Variants in SCRIB observed in about 807,000 individuals in gnomAD.
SCRIB encodes protein scribble homolog.
Under a neutral mutation model 170.0 loss-of-function variants are expected in SCRIB, and 72 were observed. The ratio of observed to expected loss-of-function variants is 0.42; its 90% confidence interval spans 0.35 to 0.52. The LOEUF (loss-of-function observed/expected upper bound fraction) is 0.52, where lower values mean the gene tolerates loss of function less well. Among genes scored for constraint, SCRIB ranks in the 20% least tolerant of loss-of-function variants. The probability of loss-of-function intolerance (pLI) is 0.02; values close to 1 mark genes in which losing one functional copy is unlikely to be tolerated. For missense variants in SCRIB, 2,475 were observed against 2,338.5 expected (o/e 1.06, Z -1.20); for synonymous variants, 1,298 against 1,044.3 (o/e 1.24, Z -4.68).
At chr8:143,811,410 C>A in intron 9 of SCRIB, 65 bp from the exon 10 acceptor site, 1 of 1,472,254 alleles carries the variant, frequency 6.8e-7, no homozygotes, top group African/African-American at 1.4e-5. Flanking sequence ...AGATGACAGC[C>A]CCTGGCAGGA....
chr8:143,792,308 G>A lies in SCRIB; in HGVS notation c.4426C>T (p.Pro1476Ser), dbSNP rs1554632996. The A allele has an allele frequency of 6.4e-7, 1 of 1,556,668 alleles. No homozygotes were observed. The highest frequency in any genetic ancestry group is 8.6e-7 in the Non-Finnish European group (1 of 1,158,580). Residue 1476 changes from proline to serine, a missense_variant, in exon 32 of 37, where the codon CCG becomes TCG. This residue lies in a region of SCRIB where 1,966 missense variants were observed against 1,742.9 expected (regional missense o/e 1.13). Coordinates refer to ENST00000356994, the MANE Select transcript of SCRIB (RefSeq NM_182706.5). ...RHQERLRVQS[P>S]EPPAPERALS... ...GCACGCTCGGGTGCCGGTGGCTCCG[G>A]ACTCTGCACGCGCAGCCGCTCCTGG...
chr8:143,807,763 A>T (rs1815494716), intron 15 of SCRIB, 149 bp from the exon 16 acceptor site: 5 of 699,058 alleles, frequency 7.2e-6, no homozygotes, highest in Non-Finnish European at 1.0e-5. Context: ...TCCATCCTGG[A>T]GGCGTGAGTG....
In SCRIB at chr8:143,792,699, G is replaced by C; in HGVS notation, c.4177+9C>G. ...GACCCAACCCCCACCCCACTTCCGT[G>C]CCCCTCACCTTCCTCCTCCTGCATC... is the stretch of plus-strand genomic sequence containing the variant. On this transcript the variant is annotated intron_variant, in intron 30 of 36. Transcript: ENST00000356994. 1 of 1,587,284 alleles carries C rather than the reference G, an allele frequency of 6.3e-7. No individual in the cohort carries two copies.
At position 143,815,669 on chromosome 8, in the gene SCRIB, G is replaced by A; in HGVS notation, c.-297C>T. The A allele has an allele frequency of 4.1e-6, 4 of 983,152 alleles. No homozygotes were observed. The highest frequency in any genetic ancestry group is 9.4e-5 in the South Asian group (2 of 21,266). 60.9% of individuals were successfully genotyped at this position (983,152 alleles called of 1,614,324 possible). On this transcript the variant is annotated 5_prime_UTR_variant, in exon 1 of 37. Coordinates refer to ENST00000356994, the MANE Select transcript of SCRIB (RefSeq NM_182706.5). ...CGCTTGGTCCTGCTCAGCTCGTCCCGCCCGCTCGTCCGCCCGCTGTGCCGC... is the reference window on the plus strand; with the variant it reads ...CGCTTGGTCCTGCTCAGCTCGTCCCACCCGCTCGTCCGCCCGCTGTGCCGC...
intron 18 of SCRIB, among the ~76,000 whole-genome samples, 176 bp from the exon 19 acceptor site, chr8:143,805,611 G>A (rs1203533448): frequency 1.3e-5 from 2 of 152,232 alleles, no homozygotes; most frequent in East Asian, 3.9e-4. Flanking sequence ...CGTGGGCACC[G>A]ACCCCTCCCC....
intron 16 of SCRIB, 70 bp downstream of exon 16, chr8:143,807,482 G>A: frequency 8.0e-7 from 1 of 1,244,740 alleles, no homozygotes; most frequent in Non-Finnish European, 1.2e-6. Context: ...GCGGGGAGAG[G>A]CGTGAGCCCA....
Position 143,812,340 on chromosome 8 carries a change from G to A in SCRIB, c.832C>T (p.Leu278=). The change falls in exon 9 of 37, where the codon CTG becomes TTG. Residue 278 remains leucine (L), a synonymous_variant. Coordinates refer to ENST00000356994, the MANE Select transcript of SCRIB (RefSeq NM_182706.5). ...CCGATGGCCTCGGTCACCTCGCACA[G>A]CCGATTCTGGTCTACCTTTAGGATG... ...LSILKVDQNR[L]CEVTEAIGDC... is the part of the protein sequence containing the mutation. The A allele has an allele frequency of 1.2e-6, 2 of 1,613,818 alleles. No homozygotes were observed. Among genetic ancestry groups the A allele is most frequent in the Non-Finnish European group, 1.7e-6 (2 of 1,179,802 alleles).
chr8:143,815,120 G>A (rs1816011499), intron 1 of SCRIB, 94 bp downstream of exon 1: 1 of 1,355,876 alleles, frequency 7.4e-7, no homozygotes, highest in Non-Finnish European at 9.6e-7. Flanking sequence ...GGGCCGGCTG[G>A]AGGCTGCGGT....
intron 1 of SCRIB, among the ~76,000 whole-genome samples, chr8:143,814,571 G>A (rs890822004): frequency 8.5e-5 from 13 of 152,196 alleles, no homozygotes; most frequent in African/African-American, 3.1e-4. Context: ...TACGCGCGAG[G>A]CCTGCAGGTG....
In SCRIB at chr8:143,793,034, G is replaced by A. The variant is rs1336185058; in HGVS notation, c.3959C>T (p.Ala1320Val). ...PDELPANVKQ[A>V]YRAFAAVPTS... Reference sequence around the variant, plus strand: ...GGGCACGGCCGCGAAGGCCCTGTAGGCCTGCTTCACATTGGCGGGCAGCTC... The same window carrying A: ...GGGCACGGCCGCGAAGGCCCTGTAGACCTGCTTCACATTGGCGGGCAGCTC... Residue 1320 changes from alanine (A) to valine (V), a missense_variant, in exon 29 of 37, where the codon GCC (alanine) becomes GTC (valine). Physicochemically the swap from Ala to Val is moderately conservative, Grantham distance 64. Transcript: ENST00000356994. The A allele has an allele frequency of 1.3e-6, 2 of 1,510,840 alleles. No individual in the cohort carries two copies. The highest frequency in any genetic ancestry group is 2.5e-5 in the East Asian group (1 of 39,954). 93.6% of individuals were successfully genotyped at this position (1,510,840 alleles called of 1,614,324 possible). A position where few individuals can be genotyped will look rare whatever the true frequency, so the allele number is the denominator to read the frequency against.
intron 21 of SCRIB, 25 bp from the exon 22 acceptor site, chr8:143,804,181 A>T: frequency 6.5e-7 from 1 of 1,545,894 alleles, no homozygotes; most frequent in Non-Finnish European, 8.9e-7. Flanking sequence ...CGGGACAAGG[A>T]CAGGCCTCGG....
rs201849634 is a variant in SCRIB, at chr8:143,804,026, G to A, written c.3120+20C>T. On this transcript the variant is annotated intron_variant, in intron 22 of 36. Coordinates refer to ENST00000356994, the MANE Select transcript of SCRIB (RefSeq NM_182706.5). ...GGATGGGTGCACCTCTCACAGAACC[G>A]CCTGGATGGGCCGCCCTACCTTGGA... The A allele has an allele frequency of 3.1e-4, 486 of 1,592,240 alleles. No individual in the cohort carries two copies. The highest frequency in any genetic ancestry group is 1.4e-3 in the Admixed American group (81 of 58,086).
In SCRIB at chr8:143,803,544, C is replaced by A. The variant is rs138813890; in HGVS notation, c.3442G>T (p.Asp1148Tyr). Residue 1148 changes from aspartate (D) to tyrosine (Y), a missense_variant, in exon 24 of 37, where the codon GAC (aspartate) becomes TAC (tyrosine). Asp to Tyr is a radical substitution (Grantham distance 160, BLOSUM62 -3). Coordinates refer to ENST00000356994, the MANE Select transcript of SCRIB (RefSeq NM_182706.5). ...KVSPTGAAGR[D>Y]GRLRVGLRLL... ...CGCAAACCCACACGCAGCCGACCGT[C>A]GCGCCCGGCTGCCCCCGTGGGGCTC... 6.2e-7 allele frequency: 1 copy of A among 1,601,954 alleles called. No individual in the cohort carries two copies.
At chr8:143,810,845 C>G (rs776979507) in intron 11 of SCRIB, 29 bp from the exon 12 acceptor site, 4 of 1,605,064 alleles carry the variant, frequency 2.5e-6, no homozygotes, top group Non-Finnish European at 3.4e-6. Context: ...AGGACCCAGG[C>G]TAGTCCCCAA....
chr8:143,807,757 T>C, intron 15 of SCRIB, 143 bp from the exon 16 acceptor site: 1 of 710,970 alleles, frequency 1.4e-6, no homozygotes, highest in Non-Finnish European at 2.6e-6. Context: ...GGCGCCTCCA[T>C]CCTGGAGGCG....
At chr8:143,806,556 C>G in intron 17 of SCRIB, 72 bp from the exon 18 acceptor site, 1 of 1,306,884 alleles carries the variant, frequency 7.7e-7, no homozygotes, top group Non-Finnish European at 1.1e-6. Context: ...TGCAGAAGAC[C>G]CAGGAGGGGA....
chr8:143,809,786 C>T (rs980547732), intron 13 of SCRIB, 68 bp from the exon 14 acceptor site: 14 of 1,550,380 alleles, frequency 9.0e-6, no homozygotes, highest in Non-Finnish European at 1.2e-5. Flanking sequence ...CTGGGATGCC[C>T]CCCACGTGGC....
At chr8:143,794,496 C>G (rs908377439) in intron 27 of SCRIB, among the ~76,000 whole-genome samples, 1 of 152,180 alleles carries the variant, frequency 6.6e-6, no homozygotes, top group Non-Finnish European at 1.5e-5. Flanking sequence ...CCCCTCACCA[C>G]CACCCCACCG....
rs868993804 is a variant in SCRIB, at chr8:143,804,791, T to C, written c.2786A>G (p.Asp929Gly). ...AGCGGTCAGCAGGGAGACGGCGTGG[T>C]CATGCCTGGCCTCAGTCACGTCCAC... ...NGVDVTEARH[D>G]HAVSLLTAAS... is the part of the protein sequence containing the mutation. Residue 929 changes from aspartate to glycine, a missense_variant, in exon 21 of 37, where the codon GAC (aspartate) becomes GGC (glycine). Transcript: ENST00000356994. 6.3e-7 allele frequency: 1 copy of C among 1,598,716 alleles called. No individual in the cohort carries two copies. The highest frequency in any genetic ancestry group is 8.5e-7 in the Non-Finnish European group (1 of 1,176,442).
Sources: gnomAD v4.1 joint callset for allele counts (sites outside exome capture counted in the v4.1 genomes callset) on GRCh38, gnomAD v4.1.1 for gene constraint, gnomAD v4.1.1 regional missense constraint, MANE v1.5 for transcripts, NCBI Gene and HGNC (gene_info 2026-07-23, HGNC 2026-07-21) for gene names.